The following PTPRG variants were observed in gnomAD, a reference collection of about 807,000 sequenced individuals.
PTPRG encodes receptor-type tyrosine-protein phosphatase gamma.
PTPRG carries 102 observed loss-of-function variants against 165.3 expected under a neutral mutation model. The observed-to-expected ratio is 0.62, with a 90% confidence interval of 0.53 to 0.73. The LOEUF is 0.73. Ranked by LOEUF, PTPRG falls within the 30% of genes least tolerant of loss-of-function variation. The pLI is 0.00. For synonymous variants in PTPRG, 675 were observed against 669.5 expected, an observed-to-expected ratio of 1.01 and a Z score of -0.13; for missense variants, 1,866 against 1,861.4, an observed-to-expected ratio of 1.00 and a Z score of -0.05.
intron 2 of PTPRG, among the ~76,000 whole-genome samples, chr3:61,826,417 T>C (rs1008515624): frequency 6.6e-6 from 1 of 152,178 alleles, no homozygotes; most frequent in African/African-American, 2.4e-5. Flanking sequence ...GGAGAATCAT[T>C]GGGAAATGCA....
chr3:61,790,705 T>TC (rs2034844839), intron 2 of PTPRG, among the ~76,000 whole-genome samples: 1 of 151,948 alleles, frequency 6.6e-6, no homozygotes, highest in Admixed American at 6.6e-5. Flanking sequence ...ATTCTCAGTC[T>TC]CAGAATCCCT....
rs1213085920 is a variant in PTPRG at position 62,295,012 on chromosome 3, G to T, written c.*1705G>T. 1 of 152,058 alleles carries T rather than the reference G, an allele frequency of 6.6e-6. No individual in the cohort carries two copies. The highest frequency in any genetic ancestry group is 6.6e-5 in the Admixed American group (1 of 15,244). 9.4% of individuals were successfully genotyped at this position (152,058 alleles called of 1,614,324 possible). A position where few individuals can be genotyped will look rare whatever the true frequency, so the allele number is the denominator to read the frequency against. ...CAAGTTAAAGAATTTGAATGCAAAG[G>T]CCAGGTCAATGGAGTTTTCATAAAC... On this transcript the variant is annotated 3_prime_UTR_variant, in exon 30 of 30. Coordinates refer to ENST00000474889, the MANE Select transcript of PTPRG (RefSeq NM_002841.4).
intron 2 of PTPRG, among the ~76,000 whole-genome samples, chr3:61,840,538 G>A (rs943792540): frequency 3.3e-5 from 5 of 152,116 alleles, no homozygotes; most frequent in East Asian, 3.9e-4. Context: ...AATGATGTCA[G>A]TGTGAATTGT....
rs138723104 is a variant in PTPRG, at chr3:61,709,258, C to G, written c.86-39620C>G. Among the ~76,000 whole-genome samples the G allele has an allele frequency of 1.7e-3, 265 of 152,232 alleles. 1 individual carries two copies. Among genetic ancestry groups the G allele is most frequent in the African/African-American group, 6.1e-3 (255 of 41,534 alleles). ...ACCCAAAACTCTTGGCCATATATGGCTTATTGGCTTTGAATGGTTTTCATA... is the reference window on the plus strand; with the variant it reads ...ACCCAAAACTCTTGGCCATATATGGGTTATTGGCTTTGAATGGTTTTCATA... On this transcript the variant is annotated intron_variant, in intron 1 of 29. Transcript: ENST00000474889.
chr3:61,925,698 G>A (rs1345676746), intron 2 of PTPRG, among the ~76,000 whole-genome samples: 1 of 151,792 alleles, frequency 6.6e-6, no homozygotes, highest in Non-Finnish European at 1.5e-5. Context: ...AGCCAAGACT[G>A]TGCCACTGCC....
At chr3:61,673,526 G>A (rs189233479) in intron 1 of PTPRG, among the ~76,000 whole-genome samples, 1 of 150,556 alleles carries the variant, frequency 6.6e-6, no homozygotes, top group Admixed American at 6.6e-5. Context: ...ATCACACTGA[G>A]TACAAATTTA....
chr3:62,063,479 T>C (rs1300777087), intron 4 of PTPRG, among the ~76,000 whole-genome samples: 1 of 152,212 alleles, frequency 6.6e-6, no homozygotes, highest in Non-Finnish European at 1.5e-5. Flanking sequence ...TGAGCAAAGA[T>C]ACGGTCTGAG....
intron 2 of PTPRG, among the ~76,000 whole-genome samples, chr3:61,788,568 C>A (rs756013515): frequency 3.3e-5 from 5 of 152,190 alleles, no homozygotes; most frequent in Non-Finnish European, 7.4e-5. Context: ...TTGCTAAATG[C>A]TGAATTCAGC....
chr3:62,252,967 T>C lies in PTPRG; in HGVS notation c.2468-2157T>C, dbSNP rs1051770802. Among the ~76,000 whole-genome samples the C allele has an allele frequency of 6.6e-6, 1 of 152,194 alleles. No individual in the cohort carries two copies. The highest frequency in any genetic ancestry group is 2.4e-5 in the African/African-American group (1 of 41,450). The stretch of plus-strand genomic sequence containing the variant: ...AAATTGGAGAGACTAGTGAGTCATA[T>C]ATTTCCATGATTATCACACTGAACT... On this transcript the variant is annotated intron_variant, in intron 15 of 29. Coordinates refer to ENST00000474889, the MANE Select transcript of PTPRG (RefSeq NM_002841.4). The surrounding 1 kb of genome is among the most constrained non-coding windows in gnomAD (Gnocchi z 4.6).
chr3:62,025,160 T>C (rs180905587), intron 4 of PTPRG, among the ~76,000 whole-genome samples: 2 of 152,306 alleles, frequency 1.3e-5, no homozygotes, highest in East Asian at 3.9e-4. Context: ...CTAAAAATTT[T>C]TAATATGTGG....
chr3:61,919,121 G>A (rs2039014634), intron 2 of PTPRG, among the ~76,000 whole-genome samples: 1 of 152,154 alleles, frequency 6.6e-6, no homozygotes, highest in South Asian at 2.1e-4. Flanking sequence ...TGCATTCCCA[G>A]TCAGAGATCT....
At chr3:62,070,959 A>G (rs369280180) in intron 4 of PTPRG, among the ~76,000 whole-genome samples, 130 of 152,026 alleles carry the variant, frequency 8.6e-4, no homozygotes, top group African/African-American at 3.0e-3. Flanking sequence ...AAAAAAAAAG[A>G]AAAATACATT....
intron 1 of PTPRG, among the ~76,000 whole-genome samples, chr3:61,587,715 G>T (rs920377681): frequency 4.6e-5 from 7 of 151,906 alleles, no homozygotes; most frequent in Admixed American, 4.6e-4. Flanking sequence ...GGAGTCCAGT[G>T]GCACAATCAT....
intron 2 of PTPRG, among the ~76,000 whole-genome samples, chr3:61,833,507 C>A (rs1250156829): frequency 1.3e-5 from 2 of 152,154 alleles, no homozygotes; most frequent in Non-Finnish European, 2.9e-5. Flanking sequence ...CTGGTGAATC[C>A]TTTATCCCCA....
intron 6 of PTPRG, among the ~76,000 whole-genome samples, chr3:62,151,215 G>A (rs542334076): frequency 2.6e-5 from 4 of 152,296 alleles, no homozygotes; most frequent in South Asian, 2.1e-4. Flanking sequence ...TAACTGGGCC[G>A]CGCTGGGCTT....
At chr3:61,621,932 A>C (rs146702337) in intron 1 of PTPRG, among the ~76,000 whole-genome samples, 7 of 152,212 alleles carry the variant, frequency 4.6e-5, no homozygotes, top group African/African-American at 1.7e-4. Flanking sequence ...CATTGTGTAC[A>C]TGCCCATTTA....
chr3:62,242,266 G>A (rs978153333), intron 14 of PTPRG, among the ~76,000 whole-genome samples: 2 of 152,180 alleles, frequency 1.3e-5, no homozygotes, highest in Non-Finnish European at 2.9e-5. Flanking sequence ...GCTACGCAAA[G>A]AGTGATGAAA....
At chr3:61,772,270 C>G (rs1436372625) in intron 2 of PTPRG, among the ~76,000 whole-genome samples, 1 of 151,852 alleles carries the variant, frequency 6.6e-6, no homozygotes, top group Non-Finnish European at 1.5e-5. Context: ...CTGTGAAGCA[C>G]TCGTTTAGTG....
rs1553641972 is a variant in PTPRG, at chr3:62,149,286, T to TC, written c.683-7778dup. Among the ~76,000 whole-genome samples, 931 of 148,212 alleles carry TC rather than the reference T, an allele frequency of 6.3e-3. 11 individuals are homozygous for TC. The highest frequency in any genetic ancestry group is 0.023 in the African/African-American group (876 of 38,840). ...GGGAGGCCTCTTTTTTTTTTTTTTTTCCCTCAAGGCAAGAGTCTCACTCTG... is the reference window on the plus strand; with the variant it reads ...GGGAGGCCTCTTTTTTTTTTTTTTTTCCCCTCAAGGCAAGAGTCTCACTCTG... On this transcript the variant is annotated intron_variant, in intron 6 of 29. Transcript: ENST00000474889.
Sources: gnomAD v4.1 joint callset for allele counts (sites outside exome capture counted in the v4.1 genomes callset) on GRCh38, gnomAD v4.1.1 for gene constraint, Gnocchi (gnomAD v3.1) non-coding constraint, MANE v1.5 for transcripts, NCBI Gene and HGNC (gene_info 2026-07-23, HGNC 2026-07-21) for gene names.